Variants in PHACTR2 observed in about 807,000 individuals in gnomAD.
PHACTR2 encodes chromosome 6 open reading frame 56.
PHACTR2 carries 30 observed loss-of-function variants against 76.0 expected under a neutral mutation model. The observed-to-expected ratio is 0.39, with a 90% CI of 0.30 to 0.54. PHACTR2 has a LOEUF of 0.54. Ranked by LOEUF, PHACTR2 falls within the 20% of genes least tolerant of loss-of-function variation. PHACTR2 has a pLI of 0.61. For missense variants in PHACTR2, 696 were observed against 781.1 expected, an observed-to-expected ratio of 0.89 and a Z score of 1.30; for synonymous variants, 292 against 292.5, an observed-to-expected ratio of 1.00 and a Z score of 0.02.
At chr6:143,815,884 T>G (rs1776284492) in intron 12 of PHACTR2, among the ~76,000 whole-genome samples, 1 of 114,700 alleles carries the variant, frequency 8.7e-6, no homozygotes, top group East Asian at 2.4e-4. Flanking sequence ...AGAGCAAGAC[T>G]CTGTCTCAAG....
At chr6:143,630,783 G>T (rs1177885499) in intron 1 of PHACTR2, among the ~76,000 whole-genome samples, 1 of 152,206 alleles carries the variant, frequency 6.6e-6, no homozygotes, top group Non-Finnish European at 1.5e-5. Context: ...AGTAGTGATG[G>T]AACTAAGCCA....
chr6:143,576,956 T>C (rs539653515), intron 1 of PHACTR2, among the ~76,000 whole-genome samples: 7 of 151,392 alleles, frequency 4.6e-5, no homozygotes, highest in African/African-American at 1.7e-4. Flanking sequence ...ATTATAGGTA[T>C]ATACTACTTA....
In PHACTR2 at chr6:143,621,151, T is replaced by C. The variant is rs1280761663; in HGVS notation, c.13+12829T>C. On this transcript the variant is annotated intron_variant, in intron 1 of 11. Transcript: ENST00000305766. The surrounding 1 kb of genome is among the most constrained non-coding windows in gnomAD (Gnocchi z 4.1). ...ACAGAGACTGAGCTTGGAAATCCAG[T>C]TTCAGAGAAGGGATTGGAGGATTGG... Among the ~76,000 whole-genome samples the C allele has an allele frequency of 6.6e-6, 1 of 152,134 alleles. No individual in the cohort carries two copies. The highest frequency in any genetic ancestry group is 1.9e-4 in the East Asian group (1 of 5,192).
chr6:143,632,908 G>C (rs533256165), intron 1 of PHACTR2, among the ~76,000 whole-genome samples: 7 of 152,040 alleles, frequency 4.6e-5, no homozygotes, highest in Non-Finnish European at 8.8e-5. Context: ...TGCACTTAAG[G>C]TTCCTCCATG....
chr6:143,565,281 A>G (rs1216248885), intron 1 of PHACTR2, among the ~76,000 whole-genome samples: 3 of 152,342 alleles, frequency 2.0e-5, no homozygotes, highest in African/African-American at 2.4e-5. Flanking sequence ...TAGAAAGTGG[A>G]AAAAGTAAGT....
Position 143,709,884 on chromosome 6 carries a change from T to C in PHACTR2, c.47-2132T>C, listed in dbSNP as rs558002960. 1.3e-5 allele frequency among the ~76,000 whole-genome samples: 2 copies of C among 152,206 alleles called. No homozygotes were observed. The highest frequency in any genetic ancestry group is 4.8e-5 in the African/African-American group (2 of 41,530). On this transcript the variant is annotated intron_variant, in intron 1 of 12. Coordinates refer to ENST00000440869, the MANE Select transcript of PHACTR2 (RefSeq NM_001100164.2). The surrounding 1 kb of genome is among the most constrained non-coding windows in gnomAD (Gnocchi z 4.4). Reference sequence around the variant, plus strand: ...CTCCACTGACACTGTGGAAGATGCTTCATTATCAGCCACCAGGCATAAAGG... The same window carrying C: ...CTCCACTGACACTGTGGAAGATGCTCCATTATCAGCCACCAGGCATAAAGG...
intron 1 of PHACTR2, among the ~76,000 whole-genome samples, chr6:143,577,738 T>C (rs1775530567): frequency 6.6e-6 from 1 of 150,838 alleles, no homozygotes; most frequent in East Asian, 1.9e-4. Context: ...GAAAACCATT[T>C]AAAGAGATTA....
In PHACTR2 at chr6:143,583,235, C is replaced by T. The variant is rs35317420; in HGVS notation, c.217+46028C>T. The stretch of plus-strand genomic sequence containing the variant: ...TCCACAATCCGTCCATTTCTGGGAA[C>T]CCAGAAGATTGAGTCCCTTTTACTA... On this transcript the variant is annotated intron_variant, in intron 1 of 11. Coordinates refer to the PHACTR2 transcript ENST00000367584. The surrounding 1 kb of genome is among the most constrained non-coding windows in gnomAD (Gnocchi z 4.0). Among the ~76,000 whole-genome samples, 45,166 of 152,040 alleles carry T rather than the reference C, an allele frequency of 0.3. 6,791 individuals are homozygous for T. The highest frequency in any genetic ancestry group is 0.42 in the Middle Eastern group (123 of 294).
intron 9 of PHACTR2, among the ~76,000 whole-genome samples, chr6:143,779,918 T>TATTATATTATATTAA (rs1182225537): frequency 7.2e-6 from 1 of 139,768 alleles, no homozygotes; most frequent in East Asian, 2.0e-4. Flanking sequence ...TATTATATTA[T>TATTATATTATATTAA]ATTATATTAT....
intron 1 of PHACTR2, among the ~76,000 whole-genome samples, chr6:143,665,562 C>G (rs532540024): frequency 6.6e-6 from 1 of 152,264 alleles, no homozygotes; most frequent in Admixed American, 6.5e-5. Context: ...AGTCTTCCTT[C>G]CATCATCTTT....
At position 143,739,100 on chromosome 6, in the gene PHACTR2, C is replaced by T. The variant is rs541593932; in HGVS notation, c.215-9885C>T. ...TTTATTTTTGAGACGGAGTCTCTCT[C>T]TGTCCCGAGGCTGGAGTGCAGTGGC... On this transcript the variant is annotated intron_variant, in intron 2 of 12. Transcript: ENST00000440869. This position sits in a 1 kb window ranked among gnomAD's most constrained non-coding sequence, Gnocchi z 4.3. Among the ~76,000 whole-genome samples, 1 of 152,186 alleles carries T rather than the reference C, an allele frequency of 6.6e-6. No homozygotes were observed. The highest frequency in any genetic ancestry group is 2.4e-5 in the African/African-American group (1 of 41,446).
intron 1 of PHACTR2, among the ~76,000 whole-genome samples, chr6:143,666,174 A>G (rs1777031104): frequency 6.6e-6 from 1 of 152,170 alleles, no homozygotes; most frequent in African/African-American, 2.4e-5. Context: ...GATGGTTTCC[A>G]GCTTCATCCA....
Position 143,580,247 on chromosome 6 carries a change from AGG to A in PHACTR2, c.217+43041_217+43042del, listed in dbSNP as rs1180087908. 6.6e-6 allele frequency among the ~76,000 whole-genome samples: 1 copy of A among 152,188 alleles called. No individual in the cohort carries two copies. Among genetic ancestry groups the A allele is most frequent in the African/African-American group, 2.4e-5 (1 of 41,448 alleles). ...ACTCCTGTAATCCCAGCACTTTGGG[AGG>A]CCAAGGCAGGCAGATCACGAGGTCA... On this transcript the variant is annotated intron_variant, in intron 1 of 11. Coordinates refer to the PHACTR2 transcript ENST00000367584. This position sits in a 1 kb window ranked among gnomAD's most constrained non-coding sequence, Gnocchi z 4.2.
Position 143,581,809 on chromosome 6 carries a change from G to C in PHACTR2, c.217+44602G>C, listed in dbSNP as rs1173440756. 6.6e-6 allele frequency among the ~76,000 whole-genome samples: 1 copy of C among 152,238 alleles called. No individual in the cohort carries two copies. The highest frequency in any genetic ancestry group is 6.5e-5 in the Admixed American group (1 of 15,286). On this transcript the variant is annotated intron_variant, in intron 1 of 11. Coordinates refer to the PHACTR2 transcript ENST00000367584. The surrounding 1 kb of genome is among the most constrained non-coding windows in gnomAD (Gnocchi z 4.5). ...ATCACGCCACTGCACTCCAGCCTGG[G>C]TGACAGAGTGAGAACCCTGTTCCCC... is the stretch of plus-strand genomic sequence containing the variant.
Position 143,580,134 on chromosome 6 carries a change from G to A in PHACTR2, c.217+42927G>A, listed in dbSNP as rs1484919030. Among the ~76,000 whole-genome samples, 1 of 152,144 alleles carries A rather than the reference G, an allele frequency of 6.6e-6. No homozygotes were observed. The highest frequency in any genetic ancestry group is 1.5e-5 in the Non-Finnish European group (1 of 68,024). On this transcript the variant is annotated intron_variant, in intron 1 of 11. Transcript: ENST00000367584. The surrounding 1 kb of genome is among the most constrained non-coding windows in gnomAD (Gnocchi z 4.2). ...AAATCAAGAGAGGGATAGCAAGATG[G>A]GAGTCATGATCTTTCTATAGCTTCG...
At position 143,572,759 on chromosome 6, in the gene PHACTR2, G is replaced by T. The variant is rs182791391; in HGVS notation, c.217+35552G>T. ...GTAGAGACACGGTTTCACCATGTTG[G>T]CCAGGCTGGTCTCAAACTCCTGACC... On this transcript the variant is annotated intron_variant, in intron 1 of 11. Coordinates refer to the PHACTR2 transcript ENST00000367584. 4.1e-3 allele frequency among the ~76,000 whole-genome samples: 628 copies of T among 152,174 alleles called. 9 individuals carry two copies. The highest frequency in any genetic ancestry group is 0.018 in the East Asian group (95 of 5,178).
rs922905618 is a variant in PHACTR2 at position 143,782,039 on chromosome 6, G to C, written c.1646-1180G>C. On this transcript the variant is annotated intron_variant, in intron 9 of 12. Coordinates refer to ENST00000440869, the MANE Select transcript of PHACTR2 (RefSeq NM_001100164.2). The surrounding 1 kb of genome is among the most constrained non-coding windows in gnomAD (Gnocchi z 4.6). The stretch of plus-strand genomic sequence containing the variant: ...ACAGCTGTTGCAAATATTGAATACT[G>C]ATATGTTATTCACAGTAAAAATAAT... Among the ~76,000 whole-genome samples the C allele has an allele frequency of 6.6e-5, 10 of 152,126 alleles. No individual in the cohort carries two copies. The highest frequency in any genetic ancestry group is 1.9e-4 in the African/African-American group (8 of 41,422).
In PHACTR2 at chr6:143,689,240, A is replaced by T. The variant is rs9390127; in HGVS notation, c.46+11031A>T. Among the ~76,000 whole-genome samples the T allele has an allele frequency of 0.41, 62,111 of 151,896 alleles. 12,923 individuals carry two copies. The highest frequency in any genetic ancestry group is 0.54 in the South Asian group (2,623 of 4,816). ...TCTCTGTGCCTTCACTGCACTTAGC[A>T]CTCAGATGATCTTGTTTGTTTGTTT... On this transcript the variant is annotated intron_variant, in intron 1 of 12. Transcript: ENST00000440869. This position sits in a 1 kb window ranked among gnomAD's most constrained non-coding sequence, Gnocchi z 4.4.
At chr6:143,692,295 C>T (rs1777662966) in intron 1 of PHACTR2, among the ~76,000 whole-genome samples, 1 of 152,154 alleles carries the variant, frequency 6.6e-6, no homozygotes, top group Non-Finnish European at 1.5e-5. Flanking sequence ...TCTTCTGCAT[C>T]TGTAAAGTTA....
Sources: gnomAD v4.1 joint callset for allele counts (sites outside exome capture counted in the v4.1 genomes callset) on GRCh38, gnomAD v4.1.1 for gene constraint, Gnocchi (gnomAD v3.1) non-coding constraint, MANE v1.5 for transcripts, NCBI Gene and HGNC (gene_info 2026-07-23, HGNC 2026-07-21) for gene names.